Variants in ST8SIA4 observed in about 807,000 individuals in gnomAD.
ST8SIA4 encodes the protein ST8 alpha-N-acetyl-neuraminide alpha-2,8-sialyltransferase 4.
A neutral mutation model predicts 33.9 loss-of-function variants in ST8SIA4; 15 were observed. The ratio of observed to expected loss-of-function variants is 0.44; its 90% CI spans 0.30 to 0.68. ST8SIA4 has a LOEUF of 0.68. ST8SIA4 is among the 30% of genes least tolerant of loss of function. The probability of loss-of-function intolerance (pLI) is 0.10; values close to 1 mark genes in which losing one functional copy is unlikely to be tolerated. For synonymous variants in ST8SIA4, 171 were observed against 151.2 expected (o/e 1.13, Z -0.96); for missense variants, 321 against 428.0 (o/e 0.75, Z 2.21).
intron 1 of ST8SIA4, among the ~76,000 whole-genome samples, chr5:100,898,101 C>A (rs1329629682): frequency 6.6e-6 from 1 of 152,000 alleles, no homozygotes. Context: ...AGATTGATAT[C>A]ATTATAATAA....
intron 3 of ST8SIA4, among the ~76,000 whole-genome samples, chr5:100,867,224 G>A (rs1411810220): frequency 1.3e-5 from 2 of 152,018 alleles, no homozygotes; most frequent in African/African-American, 2.4e-5. Flanking sequence ...TGTGTATTGC[G>A]AAATAAAACT....
intron 3 of ST8SIA4, among the ~76,000 whole-genome samples, chr5:100,860,473 G>T (rs1271877019): frequency 6.6e-6 from 1 of 152,168 alleles, no homozygotes; most frequent in Admixed American, 6.6e-5. Flanking sequence ...TCTTTTCTTA[G>T]ACTTTCTGAT....
At chr5:100,861,294 T>C (rs1201958395) in intron 3 of ST8SIA4, among the ~76,000 whole-genome samples, 1 of 152,056 alleles carries the variant, frequency 6.6e-6, no homozygotes, top group Non-Finnish European at 1.5e-5. Flanking sequence ...ATGAAATGAC[T>C]AAACAGAAGA....
chr5:100,858,812 G>A (rs1751872569), intron 3 of ST8SIA4, among the ~76,000 whole-genome samples: 1 of 152,088 alleles, frequency 6.6e-6, no homozygotes, highest in Non-Finnish European at 1.5e-5. Context: ...AAATCCACAT[G>A]CAGAGTCTTG....
At chr5:100,877,917 C>T (rs888620073) in intron 3 of ST8SIA4, among the ~76,000 whole-genome samples, 2 of 152,228 alleles carry the variant, frequency 1.3e-5, no homozygotes, top group South Asian at 2.1e-4. Context: ...CTGTTTTACT[C>T]CTCCGTCTTT....
intron 4 of ST8SIA4, among the ~76,000 whole-genome samples, chr5:100,851,657 C>A (rs1751700446): frequency 6.6e-6 from 1 of 151,894 alleles, no homozygotes; most frequent in Non-Finnish European, 1.5e-5. Context: ...TTAAAATATG[C>A]TTCTCTATCT....
In ST8SIA4 at chr5:100,886,468, G is replaced by A. The variant is rs759370710; in HGVS notation, c.378C>T (p.Ser126=). The change falls in exon 3 of 5, where the codon AGC becomes AGT. Residue 126 remains serine, a synonymous_variant. Coordinates refer to ENST00000231461, the MANE Select transcript of ST8SIA4 (RefSeq NM_005668.6). Reference sequence around the variant, plus strand: ...TCATTGGTGAAACTTCAGGTAGGAGGCTATGTAGATCATGAGAAATGTTTA... The same window carrying A: ...TCATTGGTGAAACTTCAGGTAGGAGACTATGTAGATCATGAGAAATGTTTA... ...RTLNISHDLH[S]LLPEVSPMKN... 1.2e-5 allele frequency: 19 copies of A among 1,613,816 alleles called. No individual in the cohort carries two copies. Among genetic ancestry groups the A allele is most frequent in the Non-Finnish European group, 1.2e-5 (14 of 1,179,848 alleles).
intron 4 of ST8SIA4, chr5:100,849,195 G>C (rs1443602980): frequency 3.0e-6 from 3 of 985,160 alleles, no homozygotes; most frequent in Non-Finnish European, 3.6e-6. Flanking sequence ...ATATTCCCAT[G>C]TGTAAGGACA....
intron 4 of ST8SIA4, among the ~76,000 whole-genome samples, chr5:100,827,155 T>C (rs1751165587): frequency 6.6e-6 from 1 of 152,208 alleles, no homozygotes; most frequent in South Asian, 2.1e-4. Flanking sequence ...TTTGAAGTTC[T>C]ATTATAAATA....
intron 4 of ST8SIA4, among the ~76,000 whole-genome samples, chr5:100,827,273 G>C (rs1462154448): frequency 2.0e-5 from 3 of 152,120 alleles, no homozygotes; most frequent in African/African-American, 7.2e-5. Flanking sequence ...CTCTTTTTCA[G>C]ATGTGTCATG....
In ST8SIA4 at chr5:100,811,639, T is replaced by C. The variant is rs931389591; in HGVS notation, c.*208A>G. The C allele has an allele frequency of 1.9e-6, 1 of 539,256 alleles. No homozygotes were observed. The highest frequency in any genetic ancestry group is 1.9e-5 in the African/African-American group (1 of 52,640). The allele number at this position is 539,256 out of a possible 1,614,324, so 33.4% of individuals were successfully genotyped here. A position where few individuals can be genotyped will look rare whatever the true frequency, so the allele number is the denominator to read the frequency against. On this transcript the variant is annotated 3_prime_UTR_variant, in exon 5 of 5. Coordinates refer to ENST00000231461, the MANE Select transcript of ST8SIA4 (RefSeq NM_005668.6). ...CTGTATTCTTAGTGGAAGTGGCACTTACTAGGACCCTTAAAGTCAAAATAT... is the reference window on the plus strand; with the variant it reads ...CTGTATTCTTAGTGGAAGTGGCACTCACTAGGACCCTTAAAGTCAAAATAT...
At chr5:100,872,619 G>C (rs1026006631) in intron 3 of ST8SIA4, among the ~76,000 whole-genome samples, 22 of 152,022 alleles carry the variant, frequency 1.4e-4, no homozygotes, top group Admixed American at 1.3e-3. Flanking sequence ...TTCATAAGGG[G>C]CTTCCCCTTT....
At position 100,844,685 on chromosome 5, in the gene ST8SIA4, A is replaced by G. The variant is rs1751532173; in HGVS notation, c.797+11418T>C. Among the ~76,000 whole-genome samples, 3 of 152,034 alleles carry G rather than the reference A, an allele frequency of 2.0e-5. No homozygotes were observed. In the South Asian group the frequency reaches 6.2e-4, roughly 31 times the overall value. ...TGTTAGGCTCAAACTGGAAACTGTAAGAAACAAAACTTCCAGCTTGCCTCT... is the reference window on the plus strand; with the variant it reads ...TGTTAGGCTCAAACTGGAAACTGTAGGAAACAAAACTTCCAGCTTGCCTCT... On this transcript the variant is annotated intron_variant, in intron 4 of 4. Coordinates refer to ENST00000231461, the MANE Select transcript of ST8SIA4 (RefSeq NM_005668.6).
intron 4 of ST8SIA4, among the ~76,000 whole-genome samples, chr5:100,820,910 A>T (rs1218632784): frequency 2.6e-5 from 4 of 152,120 alleles, no homozygotes; most frequent in African/African-American, 9.7e-5. Context: ...TATGAAACAG[A>T]TGTCAAACCA....
intron 2 of ST8SIA4, among the ~76,000 whole-genome samples, chr5:100,889,816 ATGT>A (rs2112476811): frequency 6.6e-6 from 1 of 152,064 alleles, no homozygotes; most frequent in African/African-American, 2.4e-5. Context: ...TGTTTTTCCA[ATGT>A]TGTTATAGGC....
chr5:100,843,912 A>C (rs1333850142), intron 4 of ST8SIA4, among the ~76,000 whole-genome samples: 1 of 151,898 alleles, frequency 6.6e-6, no homozygotes, highest in Non-Finnish European at 1.5e-5. Flanking sequence ...GTATTTACGC[A>C]TTTTATTATC....
intron 3 of ST8SIA4, among the ~76,000 whole-genome samples, chr5:100,859,413 G>C (rs1325977924): frequency 3.3e-5 from 5 of 151,944 alleles, no homozygotes; most frequent in Admixed American, 3.3e-4. Flanking sequence ...ACATTTAATA[G>C]AGTCAAACAA....
chr5:100,864,296 C>T lies in ST8SIA4; in HGVS notation c.504-7900G>A, dbSNP rs1000272775. 5.3e-5 allele frequency among the ~76,000 whole-genome samples: 8 copies of T among 151,954 alleles called. No homozygotes were observed. The South Asian group carries it at 6.2e-4, about 12-fold the overall frequency. ...TCACAATATATTTATAAAAGCGGGC[C>T]GGGTGCGGTGGCTCACGCCTGTAAT... On this transcript the variant is annotated intron_variant, in intron 3 of 4. Transcript: ENST00000231461.
In ST8SIA4 at chr5:100,902,997, C is replaced by A; in HGVS notation, c.-42G>T. ...AGTCCTGGTTGCCCCAGCTCCCGCA[C>A]CTTCTCTTGATATAAAGGCTCCGTT... On this transcript the variant is annotated 5_prime_UTR_variant, in exon 1 of 5. Transcript: ENST00000231461. 2 of 1,439,208 alleles carry A rather than the reference C, an allele frequency of 1.4e-6. No homozygotes were observed. The highest frequency in any genetic ancestry group is 2.0e-6 in the Non-Finnish European group (2 of 1,021,256). The allele number at this position is 1,439,208 out of a possible 1,614,324, so 89.2% of individuals were successfully genotyped here.
Sources: allele counts gnomAD v4.1 joint callset (sites outside exome capture counted in the v4.1 genomes callset), GRCh38; gene constraint gnomAD v4.1.1; transcripts MANE v1.5; gene names NCBI Gene and HGNC (gene_info 2026-07-23, HGNC 2026-07-21).